The following SNAP47 variants were observed in gnomAD, a reference collection of about 807,000 sequenced individuals.
SNAP47 encodes the protein synaptosomal-associated protein 47.
A neutral mutation model predicts 31.4 loss-of-function variants in SNAP47; 20 were observed. The ratio of observed to expected loss-of-function variants is 0.64; its 90% CI spans 0.45 to 0.93. SNAP47 has a LOEUF of 0.93. Among genes scored for constraint, SNAP47 ranks in the 40% least tolerant of loss-of-function variants. SNAP47 has a pLI of 0.00. For synonymous variants in SNAP47, 194 were observed against 213.4 expected (o/e 0.91, Z 0.79); for missense variants, 492 against 528.5 (o/e 0.93, Z 0.68).
intron 1 of SNAP47, among the ~76,000 whole-genome samples, chr1:227,742,843 C>T (rs538300517): frequency 1.3e-5 from 2 of 152,226 alleles, no homozygotes; most frequent in African/African-American, 2.4e-5. Context: ...TTATCCTCCT[C>T]CTAATTCTGA....
chr1:227,728,298 G>A (rs1002194369), upstream of SNAP47, among the ~76,000 whole-genome samples: 1 of 152,016 alleles, frequency 6.6e-6, no homozygotes, highest in East Asian at 2.0e-4. Flanking sequence ...GGGAAGGGTT[G>A]TTACTGGGTT....
intron 1 of SNAP47, among the ~76,000 whole-genome samples, chr1:227,738,921 G>A (rs757282563): frequency 2.6e-5 from 4 of 152,196 alleles, no homozygotes; most frequent in Non-Finnish European, 4.4e-5. Context: ...CCTAGGACTT[G>A]GTGGGAGATG....
At chr1:227,760,854 CT>C (rs1233085675) in intron 3 of SNAP47, among the ~76,000 whole-genome samples, 2 of 152,252 alleles carry the variant, frequency 1.3e-5, no homozygotes, top group Non-Finnish European at 2.9e-5. Flanking sequence ...GCTATAGCCA[CT>C]TCCTCTAGAG....
intron 4 of SNAP47, chr1:227,776,741 T>C (rs1664183666): frequency 1.0e-6 from 1 of 985,492 alleles, no homozygotes; most frequent in Non-Finnish European, 1.2e-6. Context: ...CTCAGGAATG[T>C]TCTTTGTCTG....
rs1356453633 is a variant in SNAP47 at position 227,748,158 on chromosome 1, A to T, written c.422A>T (p.His141Leu). The T allele has an allele frequency of 6.2e-7, 1 of 1,613,288 alleles. No individual in the cohort carries two copies. Among genetic ancestry groups the T allele is most frequent in the Non-Finnish European group, 8.5e-7 (1 of 1,179,820 alleles). Residue 141 changes from histidine to leucine, a missense_variant, in exon 2 of 5, where the codon CAC becomes CTC. Physicochemically the swap from His to Leu is moderately conservative, Grantham distance 99 (BLOSUM62 -3). Transcript: ENST00000617596. ...CTGGAGGACACGGCGAGGGTCCTGC[A>T]CCACCAGGGCCAGCAGCTGGACAGC... ...KRLEDTARVL[H>L]HQGQQLDSVM...
At position 227,759,310 on chromosome 1, in the gene SNAP47, GT is replaced by G; in HGVS notation, c.816del (p.Phe272LeufsTer11). Reference sequence around the variant, plus strand: ...CTTACGAAATTAGCATCCGCCAGCGGTTTATTGGAAAGCCAGACATGGCCTA... The same window carrying G: ...CTTACGAAATTAGCATCCGCCAGCGGTTATTGGAAAGCCAGACATGGCCTA... Reference protein sequence around the residue: ...SPYEISIRQRFIGKPDMAYRL... With the variant: ...SPYEISIRQRXIGKPDMAYRL... On this transcript the variant is annotated frameshift_variant, in exon 3 of 5. Coordinates refer to ENST00000617596, the MANE Select transcript of SNAP47 (RefSeq NM_053052.4). LOFTEE classifies it high-confidence loss of function. 1 of 1,614,236 alleles carries G rather than the reference GT, an allele frequency of 6.2e-7. No homozygotes were observed. Among genetic ancestry groups the G allele is most frequent in the Non-Finnish European group, 8.5e-7 (1 of 1,180,042 alleles).
chr1:227,771,649 A>ACCCCGCCCGCAC (rs1663814409), intron 4 of SNAP47, among the ~76,000 whole-genome samples: 1 of 137,212 alleles, frequency 7.3e-6, no homozygotes, highest in South Asian at 2.4e-4. Context: ...GCCTCTGTGC[A>ACCCCGCCCGCAC]CCCCGCCCAC....
chr1:227,764,039 C>G (rs1481183072), intron 3 of SNAP47, among the ~76,000 whole-genome samples: 1 of 152,214 alleles, frequency 6.6e-6, no homozygotes, highest in Non-Finnish European at 1.5e-5. Flanking sequence ...CCTGCACCCC[C>G]AGGCCAGCAA....
intron 4 of SNAP47, chr1:227,775,924 T>C (rs935343054): frequency 6.9e-6 from 9 of 1,301,746 alleles, no homozygotes; most frequent in Non-Finnish European, 9.1e-6. Flanking sequence ...CAGCCTTTGC[T>C]CAGGGCATGA....
chr1:227,762,068 T>G lies in SNAP47; in HGVS notation c.988+2583T>G, dbSNP rs1663098791. Among the ~76,000 whole-genome samples, 3 of 152,230 alleles carry G rather than the reference T, an allele frequency of 2.0e-5. No individual in the cohort carries two copies. The highest frequency in any genetic ancestry group is 4.1e-4 in the South Asian group (2 of 4,836). ...GCCACAGCGAGCACCGTCTTTTCAC[T>G]TGCACAGCTGCACCCGGCCCGTGGT... On this transcript the variant is annotated intron_variant, in intron 3 of 4. Coordinates refer to ENST00000617596, the MANE Select transcript of SNAP47 (RefSeq NM_053052.4). This position sits in a 1 kb window ranked among gnomAD's most constrained non-coding sequence, Gnocchi z 4.2.
At chr1:227,752,623 C>T (rs140854960) in intron 2 of SNAP47, among the ~76,000 whole-genome samples, 2 of 152,212 alleles carry the variant, frequency 1.3e-5, no homozygotes, top group African/African-American at 2.4e-5. Context: ...TTTTTGTACC[C>T]GAACTCAGGT....
upstream of SNAP47, chr1:227,732,390 T>G (rs770389795): frequency 6.2e-7 from 1 of 1,611,794 alleles, no homozygotes; most frequent in South Asian, 1.1e-5. Context: ...TCACGACAGG[T>G]GCTATGGGGC....
chr1:227,740,027 T>A (rs1005794583), intron 1 of SNAP47, among the ~76,000 whole-genome samples: 1 of 152,246 alleles, frequency 6.6e-6, no homozygotes, highest in Non-Finnish European at 1.5e-5. Context: ...CACAAATTCA[T>A]TGGGTGCCCA....
Position 227,759,389 on chromosome 1 carries a change from T to G in SNAP47, c.892T>G (p.Phe298Val). Reference sequence around the variant, plus strand: ...GGTTATCCCCATTTTAGAAGTGCAGTTCAGCAAGAAGATGGAGCTGTTAGA... The same window carrying G: ...GGTTATCCCCATTTTAGAAGTGCAGGTCAGCAAGAAGATGGAGCTGTTAGA... Reference protein sequence around the residue: ...PEVIPILEVQFSKKMELLEDA... With the variant: ...PEVIPILEVQVSKKMELLEDA... The change falls in exon 3 of 5, where the codon TTC (phenylalanine) becomes GTC (valine). Residue 298 changes from phenylalanine to valine, a missense_variant. By Grantham distance (50) the Phe-to-Val change is conservative. Coordinates refer to ENST00000617596, the MANE Select transcript of SNAP47 (RefSeq NM_053052.4). 6.2e-7 allele frequency: 1 copy of G among 1,614,224 alleles called. No homozygotes were observed. Among genetic ancestry groups the G allele is most frequent in the Non-Finnish European group, 8.5e-7 (1 of 1,180,042 alleles).
chr1:227,728,364 C>T (rs1356811239), upstream of SNAP47, among the ~76,000 whole-genome samples: 6 of 152,222 alleles, frequency 3.9e-5, no homozygotes, highest in Admixed American at 3.9e-4. Flanking sequence ...GGGCGGGCCC[C>T]GCTGTGCTCA....
Position 227,776,701 on chromosome 1 carries a change from A to C in SNAP47, c.1114-3826A>C, listed in dbSNP as rs140405383. 1.6e-3 allele frequency: 1,620 copies of C among 985,368 alleles called. 3 individuals carry two copies. The highest frequency in any genetic ancestry group is 0.01 in the South Asian group (217 of 21,282). The allele number at this position is 985,368 out of a possible 1,614,324, so 61.0% of individuals were successfully genotyped here. Reference sequence around the variant, plus strand: ...CAAAGGAAAAAGAATCTGGACCTGCACTCCAGGACACTAGCAGTTTGAAGG... The same window carrying C: ...CAAAGGAAAAAGAATCTGGACCTGCCCTCCAGGACACTAGCAGTTTGAAGG... On this transcript the variant is annotated intron_variant, in intron 4 of 4. Transcript: ENST00000617596.
chr1:227,742,221 C>T (rs1661656441), intron 1 of SNAP47, among the ~76,000 whole-genome samples: 1 of 152,030 alleles, frequency 6.6e-6, no homozygotes, highest in Non-Finnish European at 1.5e-5. Context: ...TGATGTTCTC[C>T]TTCCTGTGTC....
Position 227,765,326 on chromosome 1 carries a change from A to G in SNAP47, c.989-1633A>G, listed in dbSNP as rs965228806. Reference sequence around the variant, plus strand: ...TTGTGCCCCTCCATTCCTGTGGCCTAGGCTGTGCTGGTGCTGCGAGGTGGA... The same window carrying G: ...TTGTGCCCCTCCATTCCTGTGGCCTGGGCTGTGCTGGTGCTGCGAGGTGGA... On this transcript the variant is annotated intron_variant, in intron 3 of 4. Coordinates refer to ENST00000617596, the MANE Select transcript of SNAP47 (RefSeq NM_053052.4). Among the ~76,000 whole-genome samples the G allele has an allele frequency of 1.1e-4, 17 of 152,192 alleles. 1 individual carries two copies. The highest frequency in any genetic ancestry group is 6.5e-5 in the Admixed American group (1 of 15,278).
chr1:227,735,757 G>T (rs747933557), intron 1 of SNAP47: 1 of 970,088 alleles, frequency 1.0e-6, no homozygotes. Context: ...GAGCTGGGGG[G>T]CCCTGGGATG....
Sources: allele counts gnomAD v4.1 joint callset (sites outside exome capture counted in the v4.1 genomes callset), GRCh38; gene constraint gnomAD v4.1.1; non-coding constraint Gnocchi (gnomAD v3.1); transcripts MANE v1.5; gene names NCBI Gene and HGNC (gene_info 2026-07-23, HGNC 2026-07-21).